Variants in ANXA4 observed in about 807,000 individuals in gnomAD.
ANXA4 encodes 35-beta calcimedin.
ANXA4 carries 39 observed loss-of-function variants against 49.8 expected under a neutral mutation model. The observed-to-expected ratio is 0.78, with a 90% CI of 0.61 to 1.02. The LOEUF is 1.02. Among genes scored for constraint, ANXA4 ranks in the 50% least tolerant of loss-of-function variants. The pLI, the probability that ANXA4 is intolerant of heterozygous loss-of-function variation, is 0.00. For synonymous variants in ANXA4, 134 were observed against 152.5 expected (o/e 0.88, Z 0.89); for missense variants, 360 against 410.1 (o/e 0.88, Z 1.05).
chr2:69,801,244 G>A (rs1361441286), intron 3 of ANXA4, among the ~76,000 whole-genome samples: 1 of 152,054 alleles, frequency 6.6e-6, no homozygotes, highest in Non-Finnish European at 1.5e-5. Context: ...TGGTACAGCG[G>A]CCAGCATTCC....
At chr2:69,755,222 C>T (rs572559070) in intron 1 of ANXA4, among the ~76,000 whole-genome samples, 2 of 152,202 alleles carry the variant, frequency 1.3e-5, no homozygotes, top group South Asian at 2.1e-4. Context: ...TTCACGTGTT[C>T]GGAGTTTCTG....
intron 3 of ANXA4, among the ~76,000 whole-genome samples, chr2:69,795,929 A>G (rs1469902205): frequency 1.3e-5 from 2 of 152,180 alleles, no homozygotes; most frequent in Admixed American, 6.5e-5. Flanking sequence ...TGCTATGGGA[A>G]GAGGGGAGGC....
At chr2:69,746,401 G>C (rs1331571896) in intron 1 of ANXA4, among the ~76,000 whole-genome samples, 1 of 152,120 alleles carries the variant, frequency 6.6e-6, no homozygotes, top group Non-Finnish European at 1.5e-5. Flanking sequence ...TAGTCTTATA[G>C]TGCTAACACC....
intron 3 of ANXA4, among the ~76,000 whole-genome samples, chr2:69,803,123 C>T (rs187576858): frequency 8.6e-5 from 13 of 151,768 alleles, no homozygotes; most frequent in African/African-American, 3.1e-4. Context: ...ATTGCTTGAA[C>T]CTGGGAGGGA....
Position 69,812,696 on chromosome 2 carries a change from G to T in ANXA4, c.521G>T (p.Arg174Ile). 6.2e-7 allele frequency: 1 copy of T among 1,614,136 alleles called. No homozygotes were observed. The highest frequency in any genetic ancestry group is 8.5e-7 in the Non-Finnish European group (1 of 1,179,994). The change falls in exon 8 of 13, where the codon AGA becomes ATA. Residue 174 changes from arginine to isoleucine, a missense_variant. By Grantham distance (97) the Arg-to-Ile change is moderately conservative (BLOSUM62 -3). Coordinates refer to ENST00000394295, the MANE Select transcript of ANXA4 (RefSeq NM_001153.5). ...EGNYLDDALV[R>I]QDAQDLYEAG... ...AATTATCTGGACGATGCTCTCGTGA[G>T]ACAGGATGCCCAGGTTGGTAGAACT... is the stretch of plus-strand genomic sequence containing the variant.
chr2:69,666,330 C>A (rs1271273075), intron 2 of ANXA4, among the ~76,000 whole-genome samples: 2 of 152,140 alleles, frequency 1.3e-5, no homozygotes, highest in Non-Finnish European at 2.9e-5. Context: ...ATTGAAAAAA[C>A]AGACAATAAC....
chr2:69,718,905 A>G (rs1254353004), intron 2 of ANXA4, among the ~76,000 whole-genome samples: 1 of 151,998 alleles, frequency 6.6e-6, no homozygotes, highest in African/African-American at 2.4e-5. Flanking sequence ...CATACACAGC[A>G]TGGCCTCTGC....
intron 1 of ANXA4, among the ~76,000 whole-genome samples, 194 bp downstream of exon 1, chr2:69,742,369 C>T (rs1250185982): frequency 5.3e-5 from 8 of 152,080 alleles, no homozygotes; most frequent in Admixed American, 4.6e-4. Context: ...TCCGGGTGGG[C>T]GAGAGGGAGG....
chr2:69,659,848 A>G (rs907955595), intron 2 of ANXA4, among the ~76,000 whole-genome samples: 1 of 152,166 alleles, frequency 6.6e-6, no homozygotes, highest in African/African-American at 2.4e-5. Flanking sequence ...TCCAGCTACC[A>G]TTGCAATTGC....
Position 69,674,731 on chromosome 2 carries a change from T to A in ANXA4, n.766+21449T>A, listed in dbSNP as rs558762111. ...TGGGAAAAGTTTCCACACAGGCTGATTTTCTAGAAATATTGAAATATAAGA... is the reference window on the plus strand; with the variant it reads ...TGGGAAAAGTTTCCACACAGGCTGAATTTCTAGAAATATTGAAATATAAGA... On this transcript the variant is annotated intron_variant and non_coding_transcript_variant, in intron 2 of 3. Coordinates refer to the ANXA4 transcript ENST00000418066. 4.6e-5 allele frequency among the ~76,000 whole-genome samples: 7 copies of A among 152,246 alleles called. 1 individual carries two copies. In the East Asian group the frequency reaches 1.4e-3, roughly 29 times the overall value.
At chr2:69,705,515 T>G (rs1287701211) in intron 2 of ANXA4, among the ~76,000 whole-genome samples, 1 of 152,254 alleles carries the variant, frequency 6.6e-6, no homozygotes, top group African/African-American at 2.4e-5. Flanking sequence ...GTAACCATCC[T>G]GGTTGTAACC....
At chr2:69,680,251 CT>C (rs1677549937) in intron 2 of ANXA4, among the ~76,000 whole-genome samples, 1 of 152,042 alleles carries the variant, frequency 6.6e-6, no homozygotes, top group South Asian at 2.1e-4. Context: ...TTAGTCATTT[CT>C]CTTTTGTAGC....
At position 69,778,802 on chromosome 2, in the gene ANXA4, A is replaced by G. The variant is rs796350326; in HGVS notation, c.-46-2718A>G. ...AAAAAAAAAAAAAAAAAAAAAAAAA[A>G]AGAGAAATCAGAGGGCCAGGTGTGA... On this transcript the variant is annotated intron_variant, in intron 1 of 12. Coordinates refer to ENST00000394295, the MANE Select transcript of ANXA4 (RefSeq NM_001153.5). Among the ~76,000 whole-genome samples the G allele has an allele frequency of 2.3e-4, 33 of 145,118 alleles. No individual in the cohort carries two copies. In the South Asian group the frequency reaches 4.6e-3, roughly 20 times the overall value.
intron 1 of ANXA4, among the ~76,000 whole-genome samples, chr2:69,771,773 A>T (rs915423153): frequency 6.6e-6 from 1 of 152,240 alleles, no homozygotes; most frequent in Non-Finnish European, 1.5e-5. Flanking sequence ...CCTGGAAACC[A>T]GTATAGATGT....
At chr2:69,644,262 C>G (rs1020355653), upstream of ANXA4, among the ~76,000 whole-genome samples, 4 of 144,606 alleles carry the variant, frequency 2.8e-5, no homozygotes, top group African/African-American at 5.1e-5. Flanking sequence ...GTTGTGGTTT[C>G]CGAACGGATC....
At chr2:69,792,475 G>A (rs910846728) in intron 3 of ANXA4, among the ~76,000 whole-genome samples, 3 of 152,134 alleles carry the variant, frequency 2.0e-5, no homozygotes, top group African/African-American at 7.2e-5. Flanking sequence ...TTGCTAAAGA[G>A]TAGATTAGCA....
At chr2:69,759,991 C>T (rs994628190) in intron 1 of ANXA4, among the ~76,000 whole-genome samples, 1 of 152,090 alleles carries the variant, frequency 6.6e-6, no homozygotes, top group Admixed American at 6.6e-5. Context: ...CGCCACCATG[C>T]CCGGCTAATT....
intron 2 of ANXA4, among the ~76,000 whole-genome samples, chr2:69,671,178 A>G (rs1184614725): frequency 6.6e-6 from 1 of 152,168 alleles, no homozygotes; most frequent in Non-Finnish European, 1.5e-5. Context: ...TTCCTTAAAT[A>G]AAACACAAAA....
At chr2:69,664,235 C>T (rs13027712) in intron 2 of ANXA4, among the ~76,000 whole-genome samples, 31,234 of 152,146 alleles carry the variant, frequency 0.21, 3,885 homozygotes, top group South Asian at 0.29. Flanking sequence ...ATTTCAGACA[C>T]GTACAATTTC....
Sources: allele counts gnomAD v4.1 joint callset (sites outside exome capture counted in the v4.1 genomes callset), GRCh38; gene constraint gnomAD v4.1.1; transcripts MANE v1.5; gene names NCBI Gene and HGNC (gene_info 2026-07-23, HGNC 2026-07-21).